Variants in CACNB4 observed in about 807,000 individuals in gnomAD.
CACNB4 encodes voltage-dependent L-type calcium channel subunit beta-4.
A neutral mutation model predicts 71.2 loss-of-function variants in CACNB4; 32 were observed. The ratio of observed to expected loss-of-function variants is 0.45; its 90% CI spans 0.34 to 0.60. CACNB4 has a LOEUF of 0.60. Ranked by LOEUF, CACNB4 falls within the 20% of genes least tolerant of loss-of-function variation. CACNB4 has a pLI of 0.01. For missense variants in CACNB4, 464 were observed against 647.9 expected (o/e 0.72, Z 3.08); for synonymous variants, 231 against 236.9 (o/e 0.97, Z 0.23).
At chr2:151,938,054 T>C (rs532588003) in intron 2 of CACNB4, among the ~76,000 whole-genome samples, 1 of 152,342 alleles carries the variant, frequency 6.6e-6, no homozygotes, top group Admixed American at 6.5e-5. Context: ...TCCCACATAA[T>C]AAGCTAGACA....
intron 2 of CACNB4, among the ~76,000 whole-genome samples, chr2:151,992,851 C>G (rs1171330141): frequency 1.3e-5 from 2 of 152,226 alleles, no homozygotes; most frequent in African/African-American, 4.8e-5. Context: ...CTTACTCCTC[C>G]AAAGTCAAGG....
chr2:152,061,778 G>A (rs931549883), intron 2 of CACNB4, among the ~76,000 whole-genome samples: 6 of 152,000 alleles, frequency 3.9e-5, no homozygotes, highest in African/African-American at 1.4e-4. Context: ...CTGGGAGGCC[G>A]AGGCAGGCGG....
chr2:152,025,339 C>G (rs542642820), intron 2 of CACNB4, among the ~76,000 whole-genome samples: 1 of 152,156 alleles, frequency 6.6e-6, no homozygotes, highest in Non-Finnish European at 1.5e-5. Flanking sequence ...GCTTCAGAGG[C>G]GAGAGCTGGG....
chr2:151,838,888 T>C lies in CACNB4; in HGVS notation c.*231A>G, dbSNP rs112182499. Reference sequence around the variant, plus strand: ...TCTATGAAGAAAACAAAATGTACTGTTATCATGTAAATGTTGCACTTAAAA... The same window carrying C: ...TCTATGAAGAAAACAAAATGTACTGCTATCATGTAAATGTTGCACTTAAAA... On this transcript the variant is annotated 3_prime_UTR_variant, in exon 14 of 14. Transcript: ENST00000539935. The C allele has an allele frequency of 6.1e-4, 251 of 413,148 alleles. No homozygotes were observed. Among genetic ancestry groups the C allele is most frequent in the African/African-American group, 4.3e-3 (214 of 50,130 alleles). 25.6% of individuals were successfully genotyped at this position (413,148 alleles called of 1,614,324 possible).
At chr2:151,957,448 G>A (rs2151684928) in intron 2 of CACNB4, among the ~76,000 whole-genome samples, 2 of 110,032 alleles carry the variant, frequency 1.8e-5, no homozygotes, top group African/African-American at 5.1e-5. Flanking sequence ...AGGCAAGCAA[G>A]GGTAGGGTAA....
At chr2:151,851,166 T>C (rs537383815) in intron 12 of CACNB4, 1 of 152,362 alleles carries the variant, frequency 6.6e-6, no homozygotes, top group African/African-American at 2.4e-5. Flanking sequence ...ATTATAATTA[T>C]GGTCTTGAAG....
At position 152,099,032 on chromosome 2, in the gene CACNB4, C is replaced by T; in HGVS notation, c.-21G>A. 3 of 1,510,876 alleles carry T rather than the reference C, an allele frequency of 2.0e-6. No homozygotes were observed. The East Asian group carries it at 8.1e-5, about 41-fold the overall frequency. 93.6% of individuals were successfully genotyped at this position (1,510,876 alleles called of 1,614,324 possible). On this transcript the variant is annotated 5_prime_UTR_variant, in exon 1 of 14. Coordinates refer to ENST00000539935, the MANE Select transcript of CACNB4 (RefSeq NM_000726.5). ...GACATCGTTCAGAGCCGCCGCATGG[C>T]CAGCCCGTGTGCGGTGGGCGGAGGG...
intron 2 of CACNB4, among the ~76,000 whole-genome samples, chr2:152,075,657 C>A (rs915004756): frequency 6.6e-6 from 1 of 152,172 alleles, no homozygotes; most frequent in African/African-American, 2.4e-5. Flanking sequence ...GAGCCATACA[C>A]CCCTCAGCCA....
intron 2 of CACNB4, among the ~76,000 whole-genome samples, chr2:152,091,117 TGGTTA>T (rs1687949457): frequency 6.6e-6 from 1 of 151,976 alleles, no homozygotes; most frequent in Non-Finnish European, 1.5e-5. Flanking sequence ...TAAAAATGAC[TGGTTA>T]ACGGGTTAGC....
At chr2:152,027,166 G>A (rs766513797) in intron 2 of CACNB4, among the ~76,000 whole-genome samples, 1 of 152,146 alleles carries the variant, frequency 6.6e-6, no homozygotes, top group African/African-American at 2.4e-5. Flanking sequence ...GCCTCCCAAA[G>A]TGTTGAGATT....
intron 2 of CACNB4, among the ~76,000 whole-genome samples, chr2:152,007,839 T>G (rs898606644): frequency 1.3e-5 from 2 of 152,080 alleles, no homozygotes; most frequent in African/African-American, 4.8e-5. Flanking sequence ...TGGCACCATC[T>G]TGGCTTACTG....
chr2:151,993,155 T>G (rs1054234974), intron 2 of CACNB4, among the ~76,000 whole-genome samples: 106 of 151,840 alleles, frequency 7.0e-4, no homozygotes, highest in African/African-American at 9.7e-4. Flanking sequence ...TTTTTTGTTT[T>G]TTTTTTTTTT....
intron 9 of CACNB4, among the ~76,000 whole-genome samples, chr2:151,862,112 C>G (rs2099841895): frequency 6.6e-6 from 1 of 152,294 alleles, no homozygotes; most frequent in East Asian, 1.9e-4. Context: ...CACCCCTCCC[C>G]TTTTATACTC....
chr2:152,027,060 C>T (rs1458178197), intron 2 of CACNB4, among the ~76,000 whole-genome samples: 1 of 152,174 alleles, frequency 6.6e-6, no homozygotes, highest in African/African-American at 2.4e-5. Flanking sequence ...GCACATGCCA[C>T]CATGCCCGGC....
chr2:151,997,983 C>T (rs1260135011), intron 2 of CACNB4, among the ~76,000 whole-genome samples: 1 of 152,192 alleles, frequency 6.6e-6, no homozygotes, highest in Non-Finnish European at 1.5e-5. Context: ...AATTTATCTA[C>T]AGATCCCGAA....
At chr2:152,047,342 G>A (rs1420427713) in intron 2 of CACNB4, among the ~76,000 whole-genome samples, 1 of 152,294 alleles carries the variant, frequency 6.6e-6, no homozygotes, top group East Asian at 1.9e-4. Flanking sequence ...ATTTCTTCCT[G>A]AGGGGCCTAG....
At chr2:151,842,133 A>C (rs2099836374) in intron 12 of CACNB4, 45 bp from the exon 13 acceptor site, 1 of 1,545,456 alleles carries the variant, frequency 6.5e-7, no homozygotes, top group African/African-American at 1.4e-5. Context: ...TTTAGGTTTT[A>C]GGCAATGAAA....
At position 151,839,619 on chromosome 2, in the gene CACNB4, GCTTC is replaced by G. The variant is rs1341768459; in HGVS notation, c.1303-244_1303-241del. 5.3e-5 allele frequency among the ~76,000 whole-genome samples: 8 copies of G among 152,302 alleles called. No individual in the cohort carries two copies. In the East Asian group the frequency reaches 1.3e-3, roughly 26 times the overall value. ...TAATTCCACAGTGCTGAATGACTATGCTTCCTATTACAAATGTAGAATTGAAAGC... is the reference window on the plus strand; with the variant it reads ...TAATTCCACAGTGCTGAATGACTATGCTATTACAAATGTAGAATTGAAAGC... On this transcript the variant is annotated intron_variant, in intron 13 of 13. Coordinates refer to ENST00000539935, the MANE Select transcript of CACNB4 (RefSeq NM_000726.5).
At chr2:151,951,030 C>T (rs953327182) in intron 2 of CACNB4, among the ~76,000 whole-genome samples, 1 of 152,102 alleles carries the variant, frequency 6.6e-6, no homozygotes, top group Admixed American at 6.6e-5. Flanking sequence ...CTGCAGCCTC[C>T]GTCACCTGGG....
Sources: allele counts gnomAD v4.1 joint callset (sites outside exome capture counted in the v4.1 genomes callset), GRCh38; gene constraint gnomAD v4.1.1; transcripts MANE v1.5; gene names NCBI Gene and HGNC (gene_info 2026-07-23, HGNC 2026-07-21).